Variants in RSU1 observed in about 807,000 individuals in gnomAD.
The protein encoded by RSU1 is rsu-1.
Under a neutral mutation model 31.1 loss-of-function variants are expected in RSU1, and 26 were observed. The observed-to-expected ratio is 0.84, with a 90% CI of 0.61 to 1.16. The LOEUF (loss-of-function observed/expected upper bound fraction) is 1.16, where lower values mean the gene tolerates loss of function less well. RSU1 is among the 50% of genes most tolerant of loss of function. RSU1 has a pLI of 0.00. For missense variants in RSU1, 320 were observed against 339.1 expected, an observed-to-expected ratio of 0.94 and a Z score of 0.44; for synonymous variants, 164 against 136.3, an observed-to-expected ratio of 1.20 and a Z score of -1.41.
At position 16,766,276 on chromosome 10, in the gene RSU1, A is replaced by G. The variant is rs538690529; in HGVS notation, c.161-1766T>C. Among the ~76,000 whole-genome samples, 4 of 152,346 alleles carry G rather than the reference A, an allele frequency of 2.6e-5. No individual in the cohort carries two copies. The East Asian group carries it at 7.7e-4, about 29-fold the overall frequency. On this transcript the variant is annotated intron_variant, in intron 3 of 8. Transcript: ENST00000345264. ...TCTAGACAGCTCAAAGTTCCTCCAG[A>G]ACCCTCCCTCTGGGATACCTGCAGG...
intron 8 of RSU1, among the ~76,000 whole-genome samples, chr10:16,657,802 G>A (rs1267494033): frequency 6.6e-6 from 1 of 152,080 alleles, no homozygotes; most frequent in Non-Finnish European, 1.5e-5. Context: ...AGACAAGCCT[G>A]GCCAACATGG....
chr10:16,714,378 G>T (rs965743197), intron 7 of RSU1, among the ~76,000 whole-genome samples: 18 of 152,130 alleles, frequency 1.2e-4, no homozygotes, highest in African/African-American at 4.1e-4. Flanking sequence ...TGGGAGGGAG[G>T]GCTGCTACTG....
intron 8 of RSU1, among the ~76,000 whole-genome samples, chr10:16,682,872 G>T (rs774947249): frequency 5.3e-5 from 8 of 151,942 alleles, no homozygotes; most frequent in Non-Finnish European, 8.8e-5. Context: ...CCTCCACACC[G>T]CACATGCCCT....
intron 7 of RSU1, among the ~76,000 whole-genome samples, chr10:16,725,684 G>T: frequency 6.6e-6 from 1 of 151,580 alleles, no homozygotes; most frequent in Non-Finnish European, 1.5e-5. Context: ...TCACCAGATG[G>T]AATGCAGCCC....
intron 7 of RSU1, among the ~76,000 whole-genome samples, chr10:16,708,758 G>T (rs1200379766): frequency 6.6e-6 from 1 of 150,654 alleles, no homozygotes; most frequent in Non-Finnish European, 1.5e-5. Flanking sequence ...AATTTCTTTT[G>T]TTAAAGTTTT....
intron 8 of RSU1, among the ~76,000 whole-genome samples, chr10:16,619,780 T>C (rs1270683570): frequency 1.3e-5 from 2 of 152,208 alleles, no homozygotes; most frequent in Non-Finnish European, 2.9e-5. Flanking sequence ...ACTTACAAAT[T>C]TCATTTTCCA....
intron 7 of RSU1, among the ~76,000 whole-genome samples, chr10:16,700,623 G>C (rs1312978923): frequency 6.6e-6 from 1 of 152,218 alleles, no homozygotes; most frequent in Non-Finnish European, 1.5e-5. Flanking sequence ...AGCAGTGCAT[G>C]ATTACAGACA....
chr10:16,637,504 G>T (rs761056399), intron 8 of RSU1, among the ~76,000 whole-genome samples: 6 of 150,682 alleles, frequency 4.0e-5, no homozygotes, highest in Non-Finnish European at 8.8e-5. Flanking sequence ...TTTCAGTTCT[G>T]CGAAGTCTTT....
chr10:16,663,349 A>G (rs1834922583), intron 8 of RSU1, among the ~76,000 whole-genome samples: 1 of 152,180 alleles, frequency 6.6e-6, no homozygotes, highest in Non-Finnish European at 1.5e-5. Flanking sequence ...TATCCTGGAA[A>G]GATGAAGGGA....
intron 8 of RSU1, among the ~76,000 whole-genome samples, chr10:16,647,401 C>T (rs7087278): frequency 0.64 from 97,232 of 152,054 alleles, 31,913 homozygotes; most frequent in African/African-American, 0.8. Flanking sequence ...CTCCTAGGTA[C>T]ACGCCCAAGA....
At chr10:16,701,813 G>GT (rs1835800570) in intron 7 of RSU1, among the ~76,000 whole-genome samples, 1 of 152,066 alleles carries the variant, frequency 6.6e-6, no homozygotes, top group Non-Finnish European at 1.5e-5. Flanking sequence ...TGTGGTCCAG[G>GT]TTAAGAAGGG....
intron 8 of RSU1, among the ~76,000 whole-genome samples, chr10:16,604,372 G>T (rs1037781109): frequency 2.6e-5 from 4 of 152,128 alleles, no homozygotes; most frequent in African/African-American, 9.7e-5. Flanking sequence ...ACTGAAAACG[G>T]GGGAGAAAAT....
intron 7 of RSU1, among the ~76,000 whole-genome samples, chr10:16,697,643 A>T (rs963877937): frequency 2.0e-5 from 3 of 151,740 alleles, no homozygotes; most frequent in Admixed American, 2.0e-4. Flanking sequence ...CAGCCTGGGT[A>T]ACAGAGCAAG....
At chr10:16,722,885 T>TACATATATGTATATATACAC (rs1554769154) in intron 7 of RSU1, among the ~76,000 whole-genome samples, 3 of 149,146 alleles carry the variant, frequency 2.0e-5, no homozygotes, top group African/African-American at 7.4e-5. Context: ...TACACACATA[T>TACATATATGTATATATACAC]ACATATATGT....
Position 16,594,791 on chromosome 10 carries a change from T to TA in RSU1, c.732-1296_732-1295insT, listed in dbSNP as rs1564280024. ...TATTATATATCATATATATATATAT[T>TA]TTTTTTTTTTTGAGATGGAGTCCTA... On this transcript the variant is annotated intron_variant, in intron 8 of 8. Transcript: ENST00000345264. Among the ~76,000 whole-genome samples, 151 of 141,792 alleles carry TA rather than the reference T, an allele frequency of 1.1e-3. 1 individual carries two copies. The highest frequency in any genetic ancestry group is 2.8e-3 in the African/African-American group (106 of 37,942). The allele number at this position is 141,792 out of a possible 152,430, so 93.0% of individuals were successfully genotyped here. A position where few individuals can be genotyped will look rare whatever the true frequency, so the allele number is the denominator to read the frequency against.
intron 2 of RSU1, among the ~76,000 whole-genome samples, chr10:16,803,901 T>G (rs2131674124): frequency 6.6e-6 from 1 of 152,068 alleles, no homozygotes; most frequent in South Asian, 2.1e-4. Flanking sequence ...AGGAGAAAAA[T>G]CTAGTTGACC....
At chr10:16,627,354 T>TGTTA (rs1834176279) in intron 8 of RSU1, among the ~76,000 whole-genome samples, 1 of 152,214 alleles carries the variant, frequency 6.6e-6, no homozygotes, top group Non-Finnish European at 1.5e-5. Context: ...GAGTAGGTTA[T>TGTTA]GTTAGCTACA....
At chr10:16,672,024 C>G (rs985968870) in intron 8 of RSU1, among the ~76,000 whole-genome samples, 1 of 150,360 alleles carries the variant, frequency 6.7e-6, no homozygotes, top group Non-Finnish European at 1.5e-5. Context: ...TCTGGCCAGA[C>G]GCGGTGGCTC....
intron 7 of RSU1, among the ~76,000 whole-genome samples, chr10:16,701,223 G>A (rs1474158426): frequency 6.6e-6 from 1 of 152,148 alleles, no homozygotes. Context: ...AAAGCACATG[G>A]TGCACACTAA....
Sources: allele counts gnomAD v4.1 joint callset (sites outside exome capture counted in the v4.1 genomes callset), GRCh38; gene constraint gnomAD v4.1.1; transcripts MANE v1.5; gene names NCBI Gene and HGNC (gene_info 2026-07-23, HGNC 2026-07-21).